The following MFF variants were observed in gnomAD, a reference collection of about 807,000 sequenced individuals.
The protein encoded by MFF is chromosome 2 open reading frame 33.
Under a neutral mutation model 36.9 loss-of-function variants are expected in MFF, and 12 were observed. The ratio of observed to expected loss-of-function variants is 0.33; its 90% CI spans 0.21 to 0.53. MFF has a LOEUF of 0.53. Ranked by LOEUF, MFF falls within the 20% of genes least tolerant of loss-of-function variation. The probability of loss-of-function intolerance (pLI) is 0.95; values close to 1 mark genes in which losing one functional copy is unlikely to be tolerated. For missense variants in MFF, 348 were observed against 366.6 expected, an observed-to-expected ratio of 0.95 and a Z score of 0.42; for synonymous variants, 99 against 126.2, an observed-to-expected ratio of 0.78 and a Z score of 1.44.
At chr2:227,345,773 G>T (rs1319477069) in intron 5 of MFF, among the ~76,000 whole-genome samples, 1 of 152,086 alleles carries the variant, frequency 6.6e-6, no homozygotes, top group Non-Finnish European at 1.5e-5. Context: ...GATAATGTTG[G>T]CTTATATGTA....
At chr2:227,334,052 G>A (rs1286736989) in intron 4 of MFF, among the ~76,000 whole-genome samples, 1 of 152,166 alleles carries the variant, frequency 6.6e-6, no homozygotes, top group African/African-American at 2.4e-5. Flanking sequence ...AAAAGTTTGT[G>A]TGAGAATTAG....
At chr2:227,325,593 C>CCGGGACCT (rs2074036978) in intron 1 of MFF, 166 bp downstream of exon 1, 1 of 152,356 alleles carries the variant, frequency 6.6e-6, no homozygotes, top group Non-Finnish European at 1.5e-5. Context: ...GCCTTCAACC[C>CCGGGACCT]TGGTCTTTCC....
At position 227,335,244 on chromosome 2, in the gene MFF, G is replaced by A. The variant is rs567094510; in HGVS notation, c.351+2656G>A. Among the ~76,000 whole-genome samples, 148 of 150,476 alleles carry A rather than the reference G, an allele frequency of 9.8e-4. 1 individual carries two copies. Among genetic ancestry groups the A allele is most frequent in the Middle Eastern group, 3.5e-3 (1 of 286 alleles). ...CTTGAAAACATGTAAAGTTTAAGAA[G>A]CCAGACAACAAAGGCCATATATTGC... On this transcript the variant is annotated intron_variant, in intron 4 of 8. Coordinates refer to ENST00000304593, the MANE Select transcript of MFF (RefSeq NM_001277062.2).
At chr2:227,344,142 G>A (rs1002658265) in intron 5 of MFF, among the ~76,000 whole-genome samples, 1 of 152,192 alleles carries the variant, frequency 6.6e-6, no homozygotes, top group Non-Finnish European at 1.5e-5. Flanking sequence ...GCATGAGGTA[G>A]AGCTATTACT....
intron 4 of MFF, among the ~76,000 whole-genome samples, chr2:227,333,707 C>A (rs2074772911): frequency 6.6e-6 from 1 of 152,282 alleles, no homozygotes; most frequent in East Asian, 1.9e-4. Flanking sequence ...ACAAAAGTAT[C>A]CAGTGTGCTC....
At chr2:227,350,388 A>G (rs750673137) in intron 6 of MFF, among the ~76,000 whole-genome samples, 5 of 152,132 alleles carry the variant, frequency 3.3e-5, no homozygotes, top group African/African-American at 2.4e-5. Flanking sequence ...CTGTGTAAGA[A>G]CCTTATTTAA....
intron 8 of MFF, among the ~76,000 whole-genome samples, chr2:227,356,016 A>G (rs2076237450): frequency 6.6e-6 from 1 of 152,218 alleles, no homozygotes; most frequent in African/African-American, 2.4e-5. Context: ...CAGTACAGCC[A>G]TCAGTTGCTT....
At position 227,355,705 on chromosome 2, in the gene MFF, A is replaced by G. The variant is rs781432504; in HGVS notation, c.688A>G (p.Ile230Val). 5.6e-6 allele frequency: 9 copies of G among 1,611,218 alleles called. No homozygotes were observed. The Admixed American group carries it at 1.2e-4, about 21-fold the overall frequency. ...RYGISNIDTT[I>V]EGTSDDLTVV... is the part of the protein sequence containing the mutation. ...TGGCATTTCAAATATAGATACAACC[A>G]TTGAAGGAACGTCAGATGACCTGAC... The change falls in exon 8 of 9, where the codon ATT becomes GTT. Residue 230 changes from isoleucine (I) to valine (V), a missense_variant. By Grantham distance (29) the Ile-to-Val change is conservative. Coordinates refer to ENST00000304593, the MANE Select transcript of MFF (RefSeq NM_001277062.2).
At chr2:227,346,346 A>G (rs1197447723) in intron 5 of MFF, 2 of 167,020 alleles carry the variant, frequency 1.2e-5, no homozygotes, top group Non-Finnish European at 2.9e-5. Flanking sequence ...ACAATAGATA[A>G]TCATACTGTA....
intron 7 of MFF, among the ~76,000 whole-genome samples, chr2:227,353,691 CAT>C (rs914461181): frequency 3.9e-5 from 6 of 152,056 alleles, no homozygotes; most frequent in Non-Finnish European, 8.8e-5. Context: ...TGTAAAGTAA[CAT>C]ATTTTTGTTT....
At chr2:227,352,403 T>C (rs377218660) in intron 6 of MFF, 111 bp from the exon 7 acceptor site, 4 of 778,744 alleles carry the variant, frequency 5.1e-6, no homozygotes, top group Admixed American at 4.0e-5. Context: ...TGTATTGAAA[T>C]ATACAATATA....
intron 4 of MFF, among the ~76,000 whole-genome samples, chr2:227,336,547 G>A (rs892475328): frequency 1.3e-5 from 2 of 152,186 alleles, no homozygotes; most frequent in Non-Finnish European, 2.9e-5. Context: ...GGCATTGAGT[G>A]GTTTCAGAAA....
intron 7 of MFF, among the ~76,000 whole-genome samples, chr2:227,354,330 G>A (rs1575002275): frequency 6.6e-6 from 1 of 152,036 alleles, no homozygotes; most frequent in East Asian, 1.9e-4. Flanking sequence ...CCTTTTTGTG[G>A]GTATGTACTT....
At chr2:227,337,253 A>G (rs2075073501) in intron 4 of MFF, among the ~76,000 whole-genome samples, 1 of 152,176 alleles carries the variant, frequency 6.6e-6, no homozygotes, top group Non-Finnish European at 1.5e-5. Flanking sequence ...CCTTCCCAAA[A>G]CCCGCAGTCA....
Position 227,344,847 on chromosome 2 carries a change from C to A in MFF, c.441-2379C>A, listed in dbSNP as rs114427165. On this transcript the variant is annotated intron_variant, in intron 5 of 8. Coordinates refer to ENST00000304593, the MANE Select transcript of MFF (RefSeq NM_001277062.2). The stretch of plus-strand genomic sequence containing the variant: ...AATTTCTTTTGAGAAACAACTAGAA[C>A]CTCAAGTTATGTTTTTGATGCTGGT... 7.1e-3 allele frequency among the ~76,000 whole-genome samples: 1,080 copies of A among 152,220 alleles called. 13 individuals are homozygous for A. The highest frequency in any genetic ancestry group is 0.025 in the African/African-American group (1,037 of 41,536).
At chr2:227,325,898 A>T (rs993369829) in intron 1 of MFF, among the ~76,000 whole-genome samples, 1 of 152,084 alleles carries the variant, frequency 6.6e-6, no homozygotes, top group African/African-American at 2.4e-5. Flanking sequence ...TGGCAAGTAC[A>T]TTTTGGAAAA....
Position 227,356,888 on chromosome 2 carries a change from G to A in MFF, c.745-98G>A, listed in dbSNP as rs1559994908. The A allele has an allele frequency of 3.1e-5, 29 of 939,084 alleles. No homozygotes were observed. In the East Asian group the frequency reaches 7.2e-4, roughly 23 times the overall value. The allele number at this position is 939,084 out of a possible 1,614,324, so 58.2% of individuals were successfully genotyped here. On this transcript the variant is annotated intron_variant, in intron 8 of 8. Transcript: ENST00000304593. ...TTTCCATGTTTGTAATAATACTTTT[G>A]TTGACAAATTATTATACTACTTACT...
chr2:227,348,843 A>T (rs1410997547), intron 6 of MFF, among the ~76,000 whole-genome samples: 1 of 152,082 alleles, frequency 6.6e-6, no homozygotes, highest in Non-Finnish European at 1.5e-5. Context: ...ATTATAATAT[A>T]GGGATAATGG....
At chr2:227,349,178 T>TA (rs398039893) in intron 6 of MFF, among the ~76,000 whole-genome samples, 3,136 of 151,524 alleles carry the variant, frequency 0.021, 44 homozygotes, top group Non-Finnish European at 0.031. Context: ...TCCCAAAAAG[T>TA]AAAAAAAGAA....
Sources: allele counts gnomAD v4.1 joint callset (sites outside exome capture counted in the v4.1 genomes callset), GRCh38; gene constraint gnomAD v4.1.1; transcripts MANE v1.5; gene names NCBI Gene and HGNC (gene_info 2026-07-23, HGNC 2026-07-21).